Variants in QPCT observed in about 807,000 individuals in gnomAD.
QPCT encodes the protein EC.
In QPCT, 44 loss-of-function variants were observed where a neutral mutation model predicts 43.4. The observed-to-expected ratio is 1.01, with a 90% CI of 0.80 to 1.30. The LOEUF (loss-of-function observed/expected upper bound fraction) is 1.30, where lower values mean the gene tolerates loss of function less well. QPCT is among the 50% of genes most tolerant of loss of function. The pLI is 0.00. For synonymous variants in QPCT, 168 were observed against 168.4 expected (o/e 1.00, Z 0.02); for missense variants, 526 against 436.5 (o/e 1.21, Z -1.83).
chr2:37,364,711 T>G (rs1672926964), intron 3 of QPCT, among the ~76,000 whole-genome samples: 1 of 152,186 alleles, frequency 6.6e-6, no homozygotes, highest in South Asian at 2.1e-4. Flanking sequence ...TTGAAGAGAC[T>G]GTTGGTAATA....
At position 37,344,804 on chromosome 2, in the gene QPCT, G is replaced by A. The variant is rs1285465039; in HGVS notation, c.73G>A (p.Ala25Thr). 6.2e-6 allele frequency: 10 copies of A among 1,609,070 alleles called. No individual in the cohort carries two copies. Among genetic ancestry groups the A allele is most frequent in the Non-Finnish European group, 7.6e-6 (9 of 1,178,256 alleles). Residue 25 changes from alanine (A) to threonine (T), a missense_variant, in exon 1 of 7, where the codon GCA becomes ACA. By Grantham distance (58) the Ala-to-Thr change is moderately conservative. Transcript: ENST00000338415. ...GCTGCTGGTGGCCGCCCTGCCCTGG[G>A]CATCCAGGGGGGTCAGTCCGAGTGC... Reference protein sequence around the residue: ...LLLLVAALPWASRGVSPSASA... With the variant: ...LLLLVAALPWTSRGVSPSASA...
chr2:37,357,866 C>T (rs80023507), intron 2 of QPCT, among the ~76,000 whole-genome samples: 1 of 149,272 alleles, frequency 6.7e-6, no homozygotes, highest in Non-Finnish European at 1.5e-5. Flanking sequence ...GATAGAAAAT[C>T]CTGTATTTCT....
intron 1 of QPCT, among the ~76,000 whole-genome samples, chr2:37,348,053 C>T (rs200499124): frequency 1.9e-4 from 17 of 91,508 alleles, no homozygotes; most frequent in Admixed American, 4.1e-4. Flanking sequence ...TCTCTCTCTG[C>T]GCGCGCACGC....
rs58759478 is a variant in QPCT at position 37,368,718 on chromosome 2, C to G, written c.724-967C>G. The G allele has an allele frequency of 5.6e-3, 2,639 of 470,940 alleles. 43 individuals carry two copies. Among genetic ancestry groups the G allele is most frequent in the African/African-American group, 0.036 (1,826 of 50,144 alleles). The allele number at this position is 470,940 out of a possible 1,614,324, so 29.2% of individuals were successfully genotyped here. On this transcript the variant is annotated intron_variant, in intron 4 of 6. Coordinates refer to ENST00000338415, the MANE Select transcript of QPCT (RefSeq NM_012413.4). ...GCCCAAAAAGCATTCAGAACATATT[C>G]ACAAGAGGAGACGCCTGGTTGATCA...
At chr2:37,356,004 G>A (rs755801102) in intron 2 of QPCT, among the ~76,000 whole-genome samples, 18 of 152,048 alleles carry the variant, frequency 1.2e-4, no homozygotes, top group Non-Finnish European at 1.6e-4. Flanking sequence ...AGAGGTACCC[G>A]AGTCTTCAGG....
chr2:37,359,599 A>G lies in QPCT; in HGVS notation c.287A>G (p.Gln96Arg). Reference protein sequence around the residue: ...AARQHIMQRIQRLQADWVLEI... With the variant: ...AARQHIMQRIRRLQADWVLEI... ...GATCAGCACATCATGCAGCGAATTCAGAGGCTTCAGGCTGACTGGGTCTTG... is the reference window on the plus strand; with the variant it reads ...GATCAGCACATCATGCAGCGAATTCGGAGGCTTCAGGCTGACTGGGTCTTG... The change falls in exon 3 of 7, where the codon CAG (glutamine) becomes CGG (arginine). Residue 96 changes from glutamine (Q) to arginine (R), a missense_variant. Gln to Arg is a conservative substitution (Grantham distance 43). Coordinates refer to ENST00000338415, the MANE Select transcript of QPCT (RefSeq NM_012413.4). The G allele has an allele frequency of 6.2e-7, 1 of 1,614,042 alleles. No individual in the cohort carries two copies. The highest frequency in any genetic ancestry group is 8.5e-7 in the Non-Finnish European group (1 of 1,179,928).
intron 1 of QPCT, among the ~76,000 whole-genome samples, chr2:37,349,296 T>A (rs1672570694): frequency 1.3e-5 from 2 of 152,214 alleles, no homozygotes. Flanking sequence ...GTCTCTAGAT[T>A]CATAAGCATC....
At chr2:37,361,824 G>A (rs923351255) in intron 3 of QPCT, among the ~76,000 whole-genome samples, 1 of 152,160 alleles carries the variant, frequency 6.6e-6, no homozygotes, top group African/African-American at 2.4e-5. Context: ...CCTTGAATGG[G>A]GAAGGACTGC....
At chr2:37,346,708 A>G (rs1672495624) in intron 1 of QPCT, among the ~76,000 whole-genome samples, 1 of 152,146 alleles carries the variant, frequency 6.6e-6, no homozygotes, top group Non-Finnish European at 1.5e-5. Flanking sequence ...GCAAATGACA[A>G]TCAGCCATCA....
chr2:37,367,461 A>G, intron 4 of QPCT, 53 bp downstream of exon 4: 2 of 1,544,322 alleles, frequency 1.3e-6, no homozygotes, highest in Admixed American at 2.0e-5. Flanking sequence ...GCTTCCAAGG[A>G]AAAGGTTGCA....
intron 3 of QPCT, among the ~76,000 whole-genome samples, chr2:37,364,383 TG>T (rs1204585608): frequency 6.6e-6 from 1 of 152,114 alleles, no homozygotes; most frequent in East Asian, 1.9e-4. Context: ...GCAGGCCTAG[TG>T]GTCGGTCCAG....
Position 37,352,815 on chromosome 2 carries a change from T to A in QPCT, c.147T>A (p.Asn49Lys), listed in dbSNP as rs538179292. ...EKNYHQPAIL[N>K]SSALRQIAEG... is the part of the protein sequence containing the mutation. The stretch of plus-strand genomic sequence containing the variant: ...ATTACCACCAGCCAGCCATTTTGAA[T>A]TCATCGGCTCTTCGGCAAATTGCAG... Residue 49 changes from asparagine to lysine, a missense_variant, in exon 2 of 7, where the codon AAT becomes AAA. Asn to Lys is a moderately conservative substitution (Grantham distance 94). Transcript: ENST00000338415. 1 of 1,614,040 alleles carries A rather than the reference T, an allele frequency of 6.2e-7. No individual in the cohort carries two copies. The highest frequency in any genetic ancestry group is 1.7e-5 in the Admixed American group (1 of 60,002).
At position 37,359,840 on chromosome 2, in the gene QPCT, G is replaced by A. The variant is rs1386370103; in HGVS notation, c.528G>A (p.Lys176=). 6.2e-7 allele frequency: 1 copy of A among 1,614,120 alleles called. No individual in the cohort carries two copies. Among genetic ancestry groups the A allele is most frequent in the Admixed American group, 1.7e-5 (1 of 60,018 alleles). ...MMLELARALD[K]KLLSLKTVSD... is the part of the protein sequence containing the mutation. ...TGGAACTTGCTCGTGCCTTAGACAA[G>A]AAACTCCTTTCCTTAAAGGTATCTG... Residue 176 remains lysine, a synonymous_variant, in exon 3 of 7, where the codon AAG becomes AAA. Transcript: ENST00000338415.
rs200052178 is a variant in QPCT, at chr2:37,347,163, T to A, written c.120+2312T>A. ...GGTGTTTTATATATATATATATATA[T>A]AACATATATATATATAACATATATA... On this transcript the variant is annotated intron_variant, in intron 1 of 6. Transcript: ENST00000338415. Among the ~76,000 whole-genome samples the A allele has an allele frequency of 2.0e-4, 7 of 35,816 alleles. 1 individual carries two copies. The East Asian group carries it at 0.016, about 82-fold the overall frequency. 23.5% of individuals were successfully genotyped at this position (35,816 alleles called of 152,430 possible). A position where few individuals can be genotyped will look rare whatever the true frequency, so the allele number is the denominator to read the frequency against.
intron 4 of QPCT, among the ~76,000 whole-genome samples, chr2:37,368,864 A>T (rs1446166671): frequency 6.6e-6 from 1 of 152,210 alleles, no homozygotes; most frequent in African/African-American, 2.4e-5. Context: ...ACAAACCCTT[A>T]ATAGATTAAC....
At chr2:37,349,199 C>T (rs970504090) in intron 1 of QPCT, among the ~76,000 whole-genome samples, 4 of 152,152 alleles carry the variant, frequency 2.6e-5, no homozygotes, top group African/African-American at 7.2e-5. Flanking sequence ...TCTTTGCCCC[C>T]AGAGGGGCAA....
At chr2:37,359,973 A>G in intron 3 of QPCT, 115 bp downstream of exon 3, 2 of 1,116,238 alleles carry the variant, frequency 1.8e-6, no homozygotes, top group Non-Finnish European at 2.6e-6. Context: ...GACTTTTGGT[A>G]CATTTTTATT....
chr2:37,352,944 A>G lies in QPCT; in HGVS notation c.267+9A>G. ...GCTATGCTGCTCGTCAGGTGAGAAC[A>G]TGGGACACAAACCTCAAGCTTGTGT... On this transcript the variant is annotated intron_variant, in intron 2 of 6. Coordinates refer to ENST00000338415, the MANE Select transcript of QPCT (RefSeq NM_012413.4). 2.5e-6 allele frequency: 4 copies of G among 1,608,954 alleles called. No individual in the cohort carries two copies. The highest frequency in any genetic ancestry group is 3.4e-6 in the Non-Finnish European group (4 of 1,176,018).
chr2:37,366,728 T>G lies in QPCT; in HGVS notation c.547-504T>G, dbSNP rs563296991. 3.3e-5 allele frequency among the ~76,000 whole-genome samples: 5 copies of G among 152,336 alleles called. No homozygotes were observed. In the East Asian group the frequency reaches 9.7e-4, roughly 29 times the overall value. ...GACGGAGGAAGAAGTCGAGCTGCAG[T>G]GCAGGTTCAACAACGGCCTCAGCCA... On this transcript the variant is annotated intron_variant, in intron 3 of 6. Transcript: ENST00000338415.
Sources: gnomAD v4.1 joint callset for allele counts (sites outside exome capture counted in the v4.1 genomes callset) on GRCh38, gnomAD v4.1.1 for gene constraint, MANE v1.5 for transcripts, NCBI Gene and HGNC (gene_info 2026-07-23, HGNC 2026-07-21) for gene names.